ARPC1B: variants seen among roughly 807,000 people sequenced by gnomAD.
The protein encoded by ARPC1B is actin-related protein 2/3 complex subunit 1B.
In ARPC1B, 29 loss-of-function variants were observed where a neutral mutation model predicts 46.0. The ratio of observed to expected loss-of-function variants is 0.63; its 90% CI spans 0.47 to 0.86. The LOEUF (loss-of-function observed/expected upper bound fraction) is 0.86, where lower values mean the gene tolerates loss of function less well. Ranked by LOEUF, ARPC1B falls within the 40% of genes least tolerant of loss-of-function variation. ARPC1B has a pLI of 0.00. For synonymous variants in ARPC1B, 201 were observed against 213.9 expected, an observed-to-expected ratio of 0.94 and a Z score of 0.53; for missense variants, 469 against 529.4, an observed-to-expected ratio of 0.89 and a Z score of 1.12.
rs1054509983 is a variant in ARPC1B at position 99,393,958 on chromosome 7, T to G, written c.990-71T>G. On this transcript the variant is annotated intron_variant, in intron 8 of 9. Transcript: ENST00000646101. ...GCTCCCCAAGAAGTCTGGGAGCGCC[T>G]GGTGGACAGGGTGGGCCTGAGCCCA... 3.3e-6 allele frequency: 5 copies of G among 1,516,152 alleles called. No homozygotes were observed. In the African/African-American group the frequency reaches 6.8e-5, roughly 21 times the overall value. The allele number at this position is 1,516,152 out of a possible 1,614,324, so 93.9% of individuals were successfully genotyped here. A position where few individuals can be genotyped will look rare whatever the true frequency, so the allele number is the denominator to read the frequency against.
At chr7:99,375,451 C>G (rs903392483) in intron 1 of ARPC1B, among the ~76,000 whole-genome samples, 2 of 152,196 alleles carry the variant, frequency 1.3e-5, no homozygotes, top group Admixed American at 1.3e-4. Context: ...TGCAGGGCTC[C>G]GCGGCCAGGG....
intron 1 of ARPC1B, chr7:99,377,311 CTT>C (rs768366002): frequency 1.3e-4 from 18 of 133,888 alleles, no homozygotes; most frequent in Admixed American, 2.3e-4. Flanking sequence ...TACGTGCTTT[CTT>C]TTTTTTTTTT....
At position 99,392,694 on chromosome 7, in the gene ARPC1B, G is replaced by C. The variant is rs1008430745; in HGVS notation, c.807G>C (p.Leu269=). 1.4e-4 allele frequency: 219 copies of C among 1,541,850 alleles called. No individual in the cohort carries two copies. Among genetic ancestry groups the C allele is most frequent in the Non-Finnish European group, 1.9e-4 (212 of 1,141,182 alleles). The change falls in exon 8 of 10, where the codon CTG becomes CTC. Residue 269 remains leucine, a synonymous_variant. Transcript: ENST00000646101. ...AGGGCCACGACTGCTTCCCGGTGCT[G>C]TTCACCTATGACGCCGCCGCGGGGA... ...VAAGHDCFPV[L]FTYDAAAGML...
chr7:99,394,058 C>G lies in ARPC1B; in HGVS notation c.1019C>G (p.Ala340Gly), dbSNP rs755156397. The G allele has an allele frequency of 2.5e-6, 4 of 1,613,412 alleles. No homozygotes were observed. In the South Asian group the frequency reaches 4.4e-5, roughly 18 times the overall value. Residue 340 changes from alanine to glycine, a missense_variant, in exon 9 of 10, where the codon GCC (alanine) becomes GGC (glycine). Coordinates refer to ENST00000646101, the MANE Select transcript of ARPC1B (RefSeq NM_005720.4). ...SQISVLSGGKAKCSQFCTTGM... is the reference protein window; with the variant it reads ...SQISVLSGGKGKCSQFCTTGM... ...ATCTCGGTGCTCAGCGGCGGCAAGG[C>G]CAAGTGCTCGCAGTTCTGCACCACT... is the stretch of plus-strand genomic sequence containing the variant.
intron 1 of ARPC1B, among the ~76,000 whole-genome samples, chr7:99,381,752 G>T (rs1183336917): frequency 1.3e-5 from 2 of 152,192 alleles, no homozygotes; most frequent in African/African-American, 4.8e-5. Context: ...TTGTGACCTC[G>T]GGCAGGCTGG....
chr7:99,394,103 G>T lies in ARPC1B; in HGVS notation c.1064G>T (p.Ser355Ile), dbSNP rs1365818228. The stretch of plus-strand genomic sequence containing the variant: ...ACCACTGGCATGGATGGCGGCATGA[G>T]TATCTGGGATGTGAAGGTGAGGCTT... ...FCTTGMDGGM[S>I]IWDVKSLESA... Residue 355 changes from serine (S) to isoleucine (I), a missense_variant, in exon 9 of 10, where the codon AGT (serine) becomes ATT (isoleucine). Physicochemically the swap from Ser to Ile is moderately radical, Grantham distance 142 (BLOSUM62 -2). Coordinates refer to ENST00000646101, the MANE Select transcript of ARPC1B (RefSeq NM_005720.4). 6.2e-7 allele frequency: 1 copy of T among 1,613,538 alleles called. No homozygotes were observed. The highest frequency in any genetic ancestry group is 8.5e-7 in the Non-Finnish European group (1 of 1,180,030).
At chr7:99,391,287 T>A (rs777485188) in intron 7 of ARPC1B, 34 bp downstream of exon 7, 2 of 1,603,536 alleles carry the variant, frequency 1.2e-6, no homozygotes, top group South Asian at 2.2e-5. Flanking sequence ...GGGTGTGTGG[T>A]CACAGCAGGC....
chr7:99,379,526 C>T (rs1261430179), intron 1 of ARPC1B, among the ~76,000 whole-genome samples: 1 of 152,154 alleles, frequency 6.6e-6, no homozygotes, highest in Non-Finnish European at 1.5e-5. Flanking sequence ...TTGGTTTAGC[C>T]TCTGATACAG....
At chr7:99,393,151 C>A (rs1283482860) in intron 8 of ARPC1B, among the ~76,000 whole-genome samples, 2 of 152,056 alleles carry the variant, frequency 1.3e-5, no homozygotes, top group East Asian at 3.9e-4. Context: ...GCAGAGGTCG[C>A]GTAGCGGGCC....
Position 99,392,638 on chromosome 7 carries a change from G to T in ARPC1B, c.784-33G>T, listed in dbSNP as rs1398686538. 2.8e-6 allele frequency: 4 copies of T among 1,446,548 alleles called. No homozygotes were observed. In the East Asian group the frequency reaches 8.1e-5, roughly 29 times the overall value. 89.6% of individuals were successfully genotyped at this position (1,446,548 alleles called of 1,614,324 possible). A position where few individuals can be genotyped will look rare whatever the true frequency, so the allele number is the denominator to read the frequency against. The stretch of plus-strand genomic sequence containing the variant: ...TCCCTCCGGCCTCGGTTTCCCCTCC[G>T]CGGCGCTCCAATGGCCCCCGCCCTC... On this transcript the variant is annotated intron_variant, in intron 7 of 9. Transcript: ENST00000646101.
At position 99,394,316 on chromosome 7, in the gene ARPC1B, C is replaced by T. The variant is rs41279845; in HGVS notation, c.1081-135C>T. 2.1e-3 allele frequency: 2,241 copies of T among 1,083,172 alleles called. 3 individuals are homozygous for T. The highest frequency in any genetic ancestry group is 2.6e-3 in the Non-Finnish European group (1,845 of 716,008). The allele number at this position is 1,083,172 out of a possible 1,614,324, so 67.1% of individuals were successfully genotyped here. On this transcript the variant is annotated intron_variant, in intron 9 of 9. Transcript: ENST00000646101. ...CCCGTCTTCAGGGCCGGGATTCCAACCCAGCTGACAGACTCCAAAACTGCA... is the reference window on the plus strand; with the variant it reads ...CCCGTCTTCAGGGCCGGGATTCCAATCCAGCTGACAGACTCCAAAACTGCA...
chr7:99,390,161 G>A, intron 5 of ARPC1B, 149 bp downstream of exon 5: 1 of 672,614 alleles, frequency 1.5e-6, no homozygotes, highest in Admixed American at 2.7e-5. Context: ...TCGGTTGAAG[G>A]TTCTAGTTCC....
intron 8 of ARPC1B, 52 bp downstream of exon 8, chr7:99,392,928 A>C: frequency 6.7e-7 from 1 of 1,490,816 alleles, no homozygotes; most frequent in Non-Finnish European, 9.0e-7. Flanking sequence ...CTCGCCCAGA[A>C]ACAGCGTCGG....
At chr7:99,388,385 C>G in intron 4 of ARPC1B, 124 bp downstream of exon 4, 1 of 932,172 alleles carries the variant, frequency 1.1e-6, no homozygotes, top group South Asian at 1.6e-5. Context: ...AGTCCATCCT[C>G]TCCTCTCTGG....
rs556078870 is a variant in ARPC1B, at chr7:99,391,557, C to T, written c.783+304C>T. On this transcript the variant is annotated intron_variant, in intron 7 of 9. Coordinates refer to ENST00000646101, the MANE Select transcript of ARPC1B (RefSeq NM_005720.4). ...GCCACGAGTTTGAGACCAGCCCGGG[C>T]AACACAGTGTGAGACCCTTGTCTCT... Among the ~76,000 whole-genome samples the T allele has an allele frequency of 1.6e-4, 24 of 152,120 alleles. No individual in the cohort carries two copies. In the South Asian group the frequency reaches 5.0e-3, roughly 32 times the overall value.
chr7:99,381,026 G>A (rs891059736), intron 1 of ARPC1B, among the ~76,000 whole-genome samples: 1 of 152,194 alleles, frequency 6.6e-6, no homozygotes, highest in South Asian at 2.1e-4. Flanking sequence ...GCTTCTCTCT[G>A]CACAGTGCTG....
Position 99,388,103 on chromosome 7 carries a change from G to T in ARPC1B, c.234G>T (p.Val78=). Residue 78 remains valine, a synonymous_variant, in exon 4 of 10, where the codon GTG becomes GTT. Coordinates refer to ENST00000646101, the MANE Select transcript of ARPC1B (RefSeq NM_005720.4). ...GCGGCACAGACCGCAACGCCTACGT[G>T]TGGACGCTGAAGGGCCGCACATGGA... ...VTCGTDRNAY[V]WTLKGRTWKP... is the part of the protein sequence containing the mutation. The T allele has an allele frequency of 6.2e-7, 1 of 1,614,170 alleles. No homozygotes were observed. The highest frequency in any genetic ancestry group is 2.2e-5 in the East Asian group (1 of 44,870).
In ARPC1B at chr7:99,378,192, C is replaced by T. The variant is rs76864938; in HGVS notation, c.-14+3411C>T. ...CTCCAGCCTCAGCCCCTCAGATAGC[C>T]AGGACTACAGGCGTACAGCATCACA... On this transcript the variant is annotated intron_variant, in intron 1 of 9. Transcript: ENST00000646101. Among the ~76,000 whole-genome samples the T allele has an allele frequency of 9.5e-3, 1,442 of 151,896 alleles. 18 individuals carry two copies. Among genetic ancestry groups the T allele is most frequent in the African/African-American group, 0.033 (1,374 of 41,450 alleles).
chr7:99,385,825 GATGGGGACCAGCCAGAGCACAC>G, intron 2 of ARPC1B, 47 bp downstream of exon 2: 1 of 1,564,038 alleles, frequency 6.4e-7, no homozygotes. Context: ...CACCTCCTGG[GATGGGGACCAGCCAGAGCACAC>G]ATGGGGACTC....
Sources: allele counts gnomAD v4.1 joint callset (sites outside exome capture counted in the v4.1 genomes callset), GRCh38; gene constraint gnomAD v4.1.1; transcripts MANE v1.5; gene names NCBI Gene and HGNC (gene_info 2026-07-23, HGNC 2026-07-21).